Variants in TENM2 observed in about 807,000 individuals in gnomAD.
TENM2 encodes teneurin-2.
TENM2 carries 52 observed loss-of-function variants against 245.2 expected under a neutral mutation model. The observed-to-expected ratio is 0.21, with a 90% confidence interval of 0.17 to 0.27. The LOEUF is 0.27. TENM2 is among the 10% of genes least tolerant of loss of function. TENM2 has a pLI of 1.00. For synonymous variants in TENM2, 1,363 were observed against 1,438.9 expected (o/e 0.95, Z 1.19); for missense variants, 3,046 against 3,666.8 (o/e 0.83, Z 4.37).
chr5:167,920,176 G>A (rs1477510405), intron 3 of TENM2, among the ~76,000 whole-genome samples: 4 of 151,804 alleles, frequency 2.6e-5, no homozygotes, highest in Admixed American at 2.6e-4. Context: ...AGGATTAAAC[G>A]CCAAAATTAA....
intron 2 of TENM2, among the ~76,000 whole-genome samples, chr5:167,847,231 G>A (rs973165712): frequency 1.3e-5 from 2 of 152,196 alleles, no homozygotes; most frequent in Non-Finnish European, 2.9e-5. Context: ...GGGATTACAG[G>A]CATGAGCCGC....
chr5:167,666,902 T>G (rs1463677476), intron 2 of TENM2, among the ~76,000 whole-genome samples: 1 of 152,160 alleles, frequency 6.6e-6, no homozygotes, highest in Non-Finnish European at 1.5e-5. Context: ...ACATTTAAGG[T>G]GCTCAACCAT....
At chr5:167,557,720 A>G (rs1050338199) in intron 2 of TENM2, among the ~76,000 whole-genome samples, 1 of 151,610 alleles carries the variant, frequency 6.6e-6, no homozygotes, top group African/African-American at 2.4e-5. Flanking sequence ...CTCTAGAGAC[A>G]TTCTTGATTG....
intron 4 of TENM2, among the ~76,000 whole-genome samples, chr5:167,982,457 A>C (rs957627428): frequency 2.6e-5 from 4 of 152,224 alleles, no homozygotes; most frequent in African/African-American, 9.6e-5. Context: ...AGGTGGAGGC[A>C]ATGCAGTACA....
intron 2 of TENM2, among the ~76,000 whole-genome samples, chr5:167,771,760 C>T (rs1332547627): frequency 6.6e-6 from 1 of 152,158 alleles, no homozygotes; most frequent in East Asian, 1.9e-4. Context: ...ATGAGTGATA[C>T]ACTGCTGGAA....
At chr5:167,544,937 G>T (rs1425392061) in intron 2 of TENM2, among the ~76,000 whole-genome samples, 2 of 151,998 alleles carry the variant, frequency 1.3e-5, no homozygotes, top group Non-Finnish European at 1.5e-5. Flanking sequence ...GTAAGGGCTT[G>T]TTTTTTTTAA....
the TENM2 span, among the ~76,000 whole-genome samples, chr5:167,234,341 A>G: frequency 6.6e-6 from 1 of 152,168 alleles, no homozygotes; most frequent in Non-Finnish European, 1.5e-5. Context: ...CCAGAGCTGA[A>G]GAACTTCTTT....
intron 2 of TENM2, among the ~76,000 whole-genome samples, chr5:167,789,534 CTTCCAGGTTGG>C (rs1318518210): frequency 2.7e-4 from 41 of 152,324 alleles, no homozygotes; most frequent in African/African-American, 9.4e-4. Context: ...GGTCTGTCCT[CTTCCAGGTTGG>C]TTGGACACTT....
At chr5:167,670,129 A>G (rs972278349) in intron 2 of TENM2, among the ~76,000 whole-genome samples, 2 of 152,198 alleles carry the variant, frequency 1.3e-5, no homozygotes, top group African/African-American at 4.8e-5. Context: ...ACCTTTGTTA[A>G]GAATCACCAG....
chr5:168,111,295 T>C (rs7706234), intron 9 of TENM2, among the ~76,000 whole-genome samples: 44,225 of 151,964 alleles, frequency 0.29, 7,064 homozygotes, highest in East Asian at 0.62. Context: ...CAGCTGAACT[T>C]TGGCCCTCTG....
At chr5:167,194,635 G>A in the TENM2 span, among the ~76,000 whole-genome samples, 1 of 151,962 alleles carries the variant, frequency 6.6e-6, no homozygotes, top group Non-Finnish European at 1.5e-5. Context: ...AGGGGGTTGG[G>A]ACAGGGTGCA....
chr5:167,288,423 G>A (rs958807906), intron 1 of TENM2, among the ~76,000 whole-genome samples: 1 of 152,004 alleles, frequency 6.6e-6, no homozygotes, highest in Non-Finnish European at 1.5e-5. Context: ...GTCGGGCGCG[G>A]TGGCGGGCGC....
chr5:168,094,768 C>T (rs1284518353), intron 8 of TENM2, among the ~76,000 whole-genome samples: 1 of 151,932 alleles, frequency 6.6e-6, no homozygotes, highest in African/African-American at 2.4e-5. Flanking sequence ...AGGTCTGTGG[C>T]CCATTAGGAA....
At chr5:168,077,420 C>T (rs796807292) in intron 7 of TENM2, among the ~76,000 whole-genome samples, 68 of 151,898 alleles carry the variant, frequency 4.5e-4, no homozygotes, top group African/African-American at 1.6e-3. Flanking sequence ...ACAGACAAGT[C>T]TCCCACTCTT....
At chr5:168,122,332 A>G (rs1737465498) in intron 10 of TENM2, among the ~76,000 whole-genome samples, 1 of 152,122 alleles carries the variant, frequency 6.6e-6, no homozygotes, top group Non-Finnish European at 1.5e-5. Context: ...ACCGGCCACC[A>G]CGCCTGGCTA....
intron 1 of TENM2, among the ~76,000 whole-genome samples, chr5:167,366,823 A>G (rs575410614): frequency 1.1e-4 from 16 of 152,148 alleles, no homozygotes; most frequent in Non-Finnish European, 1.9e-4. Context: ...ATGGAGGAAG[A>G]GTCTCATATA....
intron 5 of TENM2, among the ~76,000 whole-genome samples, chr5:167,999,706 C>G (rs10039736): frequency 0.41 from 63,037 of 152,022 alleles, 14,394 homozygotes; most frequent in African/African-American, 0.61. Flanking sequence ...CAGCAGCTCT[C>G]GGGAGATGCC....
chr5:167,134,478 G>A, the TENM2 span, among the ~76,000 whole-genome samples: 1 of 152,306 alleles, frequency 6.6e-6, no homozygotes, highest in East Asian at 1.9e-4. Context: ...GCAGTAGATT[G>A]TTACAACATA....
At chr5:167,463,501 AT>A (rs11449486) in intron 2 of TENM2, among the ~76,000 whole-genome samples, 3 of 142,076 alleles carry the variant, frequency 2.1e-5, no homozygotes, top group Non-Finnish European at 4.7e-5. Context: ...TATTTATTTT[AT>A]TTTATTTTTT....
Sources: gnomAD v4.1 joint callset for allele counts (sites outside exome capture counted in the v4.1 genomes callset) on GRCh38, gnomAD v4.1.1 for gene constraint, MANE v1.5 for transcripts, NCBI Gene and HGNC (gene_info 2026-07-23, HGNC 2026-07-21) for gene names.